The following MAML2 variants were observed in gnomAD, a reference collection of about 807,000 sequenced individuals.
MAML2 encodes the protein mastermind like transcriptional coactivator 2.
In MAML2, 22 loss-of-function variants were observed where a neutral mutation model predicts 96.1. The observed-to-expected ratio is 0.23, with a 90% confidence interval of 0.16 to 0.33. MAML2 has a LOEUF of 0.33. Ranked by LOEUF, MAML2 falls within the 10% of genes least tolerant of loss-of-function variation. The pLI is 1.00. For synonymous variants in MAML2, 561 were observed against 521.3 expected (o/e 1.08, Z -1.04); for missense variants, 1,367 against 1,392.4 (o/e 0.98, Z 0.29).
At position 96,240,557 on chromosome 11, in the gene MAML2, C is replaced by CAACAAAAAAAAAAAA. The variant is rs568304250; in HGVS notation, c.513+100825_513+100826insTTTTTTTTTTTTGTT. Among the ~76,000 whole-genome samples, 83 of 51,094 alleles carry CAACAAAAAAAAAAAA rather than the reference C, an allele frequency of 1.6e-3. 10 individuals are homozygous for CAACAAAAAAAAAAAA. The highest frequency in any genetic ancestry group is 2.6e-3 in the Admixed American group (8 of 3,036). The allele number at this position is 51,094 out of a possible 152,430, so 33.5% of individuals were successfully genotyped here. ...TGGGCGACAGAGCGAGACTCCGTCTCAAAAAAAAAAAAAAAAAAAAAAAAA... is the reference window on the plus strand; with the variant it reads ...TGGGCGACAGAGCGAGACTCCGTCTCAACAAAAAAAAAAAAAAAAAAAAAAAAAAAAAAAAAAAAA... On this transcript the variant is annotated intron_variant, in intron 1 of 4. Transcript: ENST00000524717.
chr11:95,982,346 A>G (rs1296712783), intron 4 of MAML2, among the ~76,000 whole-genome samples: 1 of 147,746 alleles, frequency 6.8e-6, no homozygotes, highest in African/African-American at 2.4e-5. Flanking sequence ...CTTTAGAAAC[A>G]GAGCAATGTG....
In MAML2 at chr11:96,127,457, T is replaced by C. The variant is rs184687830; in HGVS notation, c.514-33940A>G. On this transcript the variant is annotated intron_variant, in intron 1 of 4. Coordinates refer to ENST00000524717, the MANE Select transcript of MAML2 (RefSeq NM_032427.4). The stretch of plus-strand genomic sequence containing the variant: ...ACAGAGCAGAGTCTCCACTAAAATC[T>C]CTCCATCAAGGTCAACTAGACATTT... Among the ~76,000 whole-genome samples the C allele has an allele frequency of 1.7e-4, 26 of 152,250 alleles. No homozygotes were observed. In the East Asian group the frequency reaches 5.0e-3, roughly 29 times the overall value.
At chr11:96,042,552 C>T (rs560135451) in intron 2 of MAML2, among the ~76,000 whole-genome samples, 1 of 149,894 alleles carries the variant, frequency 6.7e-6, no homozygotes, top group East Asian at 1.9e-4. Flanking sequence ...TAGCTCCCTA[C>T]CGTATAAAGT....
At chr11:96,158,683 G>C (rs569623227) in intron 1 of MAML2, among the ~76,000 whole-genome samples, 1 of 152,306 alleles carries the variant, frequency 6.6e-6, no homozygotes, top group African/African-American at 2.4e-5. Flanking sequence ...CTACCATGTG[G>C]AGAACTACTA....
chr11:96,006,763 T>G (rs1278630298), intron 2 of MAML2, among the ~76,000 whole-genome samples: 1 of 151,474 alleles, frequency 6.6e-6, no homozygotes, highest in East Asian at 2.0e-4. Context: ...TTTCACCATG[T>G]TGGGCAGGCT....
At position 95,980,053 on chromosome 11, in the gene MAML2, GCTT is replaced by G. The variant is rs1184623381; in HGVS notation, c.2456-93_2456-91del. On this transcript the variant is annotated intron_variant, in intron 4 of 4. Coordinates refer to ENST00000524717, the MANE Select transcript of MAML2 (RefSeq NM_032427.4). ...TTCAATAACTCATCAATCTGAAACT[GCTT>G]TCAGGTGTAAGACAATTTAGGCGAA... The G allele has an allele frequency of 1.1e-5, 11 of 965,466 alleles. No homozygotes were observed. In the East Asian group the frequency reaches 2.6e-4, roughly 22 times the overall value. The allele number at this position is 965,466 out of a possible 1,614,324, so 59.8% of individuals were successfully genotyped here.
chr11:96,091,496 T>TC (rs11395389), intron 2 of MAML2, among the ~76,000 whole-genome samples: 86,494 of 151,806 alleles, frequency 0.57, 25,623 homozygotes, highest in African/African-American at 0.68. Flanking sequence ...CCAGCTTTAT[T>TC]CAATACTCAG....
At chr11:96,292,490 C>G (rs562079046) in intron 1 of MAML2, among the ~76,000 whole-genome samples, 1 of 152,162 alleles carries the variant, frequency 6.6e-6, no homozygotes, top group Non-Finnish European at 1.5e-5. Flanking sequence ...GAAACTGAGG[C>G]CAAGAAGTTA....
At chr11:96,266,432 G>A (rs952163127) in intron 1 of MAML2, among the ~76,000 whole-genome samples, 13 of 152,028 alleles carry the variant, frequency 8.6e-5, no homozygotes, top group Non-Finnish European at 1.3e-4. Flanking sequence ...TTAGCTGGGC[G>A]TGGTGGTGGG....
chr11:96,229,323 A>G (rs769264083), intron 1 of MAML2, among the ~76,000 whole-genome samples: 1 of 151,978 alleles, frequency 6.6e-6, no homozygotes, highest in Non-Finnish European at 1.5e-5. Flanking sequence ...ATTTTCTAGA[A>G]CAGCAATTAT....
intron 1 of MAML2, among the ~76,000 whole-genome samples, chr11:96,211,744 T>A (rs1177622813): frequency 6.6e-6 from 1 of 152,186 alleles, no homozygotes; most frequent in Admixed American, 6.5e-5. Flanking sequence ...GCTCTAATCC[T>A]GGAAATTGCT....
At position 96,185,106 on chromosome 11, in the gene MAML2, C is replaced by A. The variant is rs77857210; in HGVS notation, c.514-91589G>T. On this transcript the variant is annotated intron_variant, in intron 1 of 4. Transcript: ENST00000524717. ...TTTGAGTGCTCTGATTTAAAGAAATCTATGAGATGTATGAGTGAGAAATGG... is the reference window on the plus strand; with the variant it reads ...TTTGAGTGCTCTGATTTAAAGAAATATATGAGATGTATGAGTGAGAAATGG... Among the ~76,000 whole-genome samples the A allele has an allele frequency of 8.6e-5, 13 of 151,938 alleles. No homozygotes were observed. The East Asian group carries it at 2.5e-3, about 29-fold the overall frequency.
At chr11:96,033,983 T>C (rs990488454) in intron 2 of MAML2, among the ~76,000 whole-genome samples, 5 of 152,182 alleles carry the variant, frequency 3.3e-5, no homozygotes, top group African/African-American at 1.2e-4. Flanking sequence ...CAAAGGGTTT[T>C]AAGGAAAATC....
intron 1 of MAML2, among the ~76,000 whole-genome samples, chr11:96,336,451 C>T (rs1863922397): frequency 6.6e-6 from 1 of 152,160 alleles, no homozygotes; most frequent in African/African-American, 2.4e-5. Flanking sequence ...GGGACAATGT[C>T]TTTAGCTGTA....
chr11:96,086,847 T>C (rs1002786055), intron 2 of MAML2, among the ~76,000 whole-genome samples: 6 of 152,144 alleles, frequency 3.9e-5, no homozygotes, highest in African/African-American at 1.4e-4. Context: ...AAGGTCAGTG[T>C]GAATTTGACT....
At chr11:95,991,442 T>G (rs548512148) in intron 3 of MAML2, 78 bp downstream of exon 3, 8 of 1,346,996 alleles carry the variant, frequency 5.9e-6, no homozygotes, top group Non-Finnish European at 7.4e-6. Context: ...GTAGGCACAG[T>G]AAATATAAAT....
chr11:96,289,518 T>C (rs978527235), intron 1 of MAML2, among the ~76,000 whole-genome samples: 4 of 152,324 alleles, frequency 2.6e-5, no homozygotes, highest in African/African-American at 7.2e-5. Flanking sequence ...CATCTATAAA[T>C]GTAACTTTCC....
chr11:96,294,601 A>G (rs1463480507), intron 1 of MAML2, among the ~76,000 whole-genome samples: 1 of 152,250 alleles, frequency 6.6e-6, no homozygotes, highest in African/African-American at 2.4e-5. Context: ...TTAGTGGTAT[A>G]GTAAACAAAT....
intron 2 of MAML2, among the ~76,000 whole-genome samples, chr11:96,037,050 C>A (rs1590974259): frequency 6.6e-6 from 1 of 152,170 alleles, no homozygotes; most frequent in East Asian, 1.9e-4. Flanking sequence ...GCACTGCCGT[C>A]GGGAGCCAAC....
Sources: gnomAD v4.1 joint callset for allele counts (sites outside exome capture counted in the v4.1 genomes callset) on GRCh38, gnomAD v4.1.1 for gene constraint, MANE v1.5 for transcripts, NCBI Gene and HGNC (gene_info 2026-07-23, HGNC 2026-07-21) for gene names.